PCDH15: variants seen among roughly 807,000 people sequenced by gnomAD.
The protein encoded by PCDH15 is protocadherin-15.
PCDH15 carries 129 observed loss-of-function variants against 178.5 expected under a neutral mutation model. The observed-to-expected ratio is 0.72, with a 90% confidence interval of 0.63 to 0.84. The LOEUF (loss-of-function observed/expected upper bound fraction) is 0.84, where lower values mean the gene tolerates loss of function less well. Ranked by LOEUF, PCDH15 falls within the 40% of genes least tolerant of loss-of-function variation. PCDH15 has a pLI of 0.00. For missense variants in PCDH15, 2,230 were observed against 2,099.9 expected (o/e 1.06, Z -1.21); for synonymous variants, 800 against 732.0 (o/e 1.09, Z -1.50).
chr10:54,406,028 T>C (rs1952624651), intron 3 of PCDH15, among the ~76,000 whole-genome samples: 1 of 152,246 alleles, frequency 6.6e-6, no homozygotes, highest in Non-Finnish European at 1.5e-5. Flanking sequence ...TGGTTAGAGA[T>C]GGAGCCTTAT....
At chr10:54,595,704 A>G (rs555424112) in intron 2 of PCDH15, among the ~76,000 whole-genome samples, 16 of 152,292 alleles carry the variant, frequency 1.1e-4, no homozygotes, top group African/African-American at 3.8e-4. Flanking sequence ...AAGAATCACA[A>G]TATTAAGATA....
chr10:54,600,189 C>T, intron 2 of PCDH15: 2 of 636,972 alleles, frequency 3.1e-6, no homozygotes, highest in Non-Finnish European at 5.9e-6. Flanking sequence ...TCACCATTAC[C>T]AAATTGGTAA....
chr10:54,302,470 G>A (rs1307681298), intron 8 of PCDH15, among the ~76,000 whole-genome samples: 1 of 152,120 alleles, frequency 6.6e-6, no homozygotes, highest in Non-Finnish European at 1.5e-5. Flanking sequence ...GTCATGAGGG[G>A]TGTTAACAAT....
rs756591693 is a variant in PCDH15, at chr10:53,808,731, C to A, written c.4672-1601G>T. 1.2e-6 allele frequency: 2 copies of A among 1,612,976 alleles called. No homozygotes were observed. The highest frequency in any genetic ancestry group is 1.7e-6 in the Non-Finnish European group (2 of 1,179,482). ...TGTAACCTTCAGAGTTTGCTCCTGG[C>A]GACTTCTTTTGGTTTGCATTCTTGC... On this transcript the variant is annotated intron_variant, in intron 37 of 37. Transcript: ENST00000644397.
intron 29 of PCDH15, among the ~76,000 whole-genome samples, chr10:53,834,518 GTTTT>G (rs11438530): frequency 1.4e-5 from 2 of 141,654 alleles, no homozygotes; most frequent in Admixed American, 7.0e-5. Flanking sequence ...ACAGAAATGT[GTTTT>G]TTTTTTTTTT....
At chr10:55,331,412 AT>A (rs905804084) in intron 2 of PCDH15, among the ~76,000 whole-genome samples, 6 of 151,984 alleles carry the variant, frequency 3.9e-5, no homozygotes, top group East Asian at 3.9e-4. Flanking sequence ...TGGTTACAAT[AT>A]TTTTTAGTAT....
At chr10:54,162,945 C>T (rs777944387) in intron 13 of PCDH15, among the ~76,000 whole-genome samples, 3 of 151,874 alleles carry the variant, frequency 2.0e-5, no homozygotes, top group Admixed American at 6.6e-5. Context: ...TTTGCCTCAC[C>T]AGATGTGTTT....
chr10:55,428,292 T>A (rs919732849), intron 2 of PCDH15, among the ~76,000 whole-genome samples: 1 of 151,330 alleles, frequency 6.6e-6, no homozygotes, highest in Non-Finnish European at 1.5e-5. Flanking sequence ...ATTGTGTATT[T>A]ATCTATTTCT....
At chr10:54,129,277 CAAAT>C (rs150738693) in intron 15 of PCDH15, among the ~76,000 whole-genome samples, 4,369 of 152,108 alleles carry the variant, frequency 0.029, 223 homozygotes, top group African/African-American at 0.098. Context: ...GAAATAAACT[CAAAT>C]AAACGATCAA....
chr10:54,698,815 G>C (rs978293811), intron 1 of PCDH15, among the ~76,000 whole-genome samples: 9 of 152,012 alleles, frequency 5.9e-5, no homozygotes, highest in African/African-American at 2.2e-4. Context: ...CCTGACAACT[G>C]AGCCACTTTT....
chr10:55,363,838 A>C (rs1845289926), intron 2 of PCDH15, among the ~76,000 whole-genome samples: 1 of 151,940 alleles, frequency 6.6e-6, no homozygotes, highest in African/African-American at 2.4e-5. Context: ...AGATTTCACT[A>C]TGTTAGCCAG....
intron 3 of PCDH15, among the ~76,000 whole-genome samples, chr10:54,818,839 T>A (rs1471913397): frequency 6.6e-6 from 1 of 152,068 alleles, no homozygotes; most frequent in African/African-American, 2.4e-5. Context: ...AGCCACTAAT[T>A]TTTTAGATGA....
chr10:54,322,055 A>T (rs1484872624), intron 7 of PCDH15, among the ~76,000 whole-genome samples: 1 of 152,022 alleles, frequency 6.6e-6, no homozygotes, highest in Non-Finnish European at 1.5e-5. Flanking sequence ...CATTTAAAAA[A>T]TAATCCTTCA....
chr10:54,167,408 C>T (rs1283756054), intron 13 of PCDH15, among the ~76,000 whole-genome samples: 2 of 152,126 alleles, frequency 1.3e-5, no homozygotes, highest in Non-Finnish European at 2.9e-5. Flanking sequence ...AAAGGAGACA[C>T]ATTTTATCCG....
chr10:55,351,351 T>A (rs1588944588), intron 2 of PCDH15, among the ~76,000 whole-genome samples: 1 of 152,162 alleles, frequency 6.6e-6, no homozygotes, highest in Non-Finnish European at 1.5e-5. Flanking sequence ...TCTCATACTT[T>A]TCAACTGTAT....
intron 13 of PCDH15, among the ~76,000 whole-genome samples, chr10:54,158,601 C>T (rs1298929964): frequency 6.6e-6 from 1 of 152,106 alleles, no homozygotes; most frequent in Admixed American, 6.5e-5. Context: ...TTTAATTGCT[C>T]TTTCCTGGTT....
At chr10:54,139,823 T>C (rs1310672038) in intron 14 of PCDH15, among the ~76,000 whole-genome samples, 4 of 151,870 alleles carry the variant, frequency 2.6e-5, no homozygotes, top group Non-Finnish European at 5.9e-5. Flanking sequence ...GATACGAAAA[T>C]ATATTTTAGG....
At chr10:54,791,150 T>C (rs1951371760) in intron 1 of PCDH15, among the ~76,000 whole-genome samples, 1 of 151,944 alleles carries the variant, frequency 6.6e-6, no homozygotes, top group Admixed American at 6.6e-5. Flanking sequence ...TCATTAATGG[T>C]ATTTGAAACA....
At chr10:55,146,378 A>G (rs568654049) in intron 2 of PCDH15, among the ~76,000 whole-genome samples, 2 of 151,906 alleles carry the variant, frequency 1.3e-5, no homozygotes, top group South Asian at 2.1e-4. Flanking sequence ...GATACTCTCT[A>G]GTATAAAACC....
Sources: gnomAD v4.1 joint callset for allele counts (sites outside exome capture counted in the v4.1 genomes callset) on GRCh38, gnomAD v4.1.1 for gene constraint, MANE v1.5 for transcripts, NCBI Gene and HGNC (gene_info 2026-07-23, HGNC 2026-07-21) for gene names.